GRIA1: variants seen among roughly 807,000 people sequenced by gnomAD.
GRIA1 encodes the protein glutamate ionotropic receptor AMPA type subunit 1, also known as glutamate receptor 1.
Under a neutral mutation model 99.2 loss-of-function variants are expected in GRIA1, and 31 were observed. That is an observed-to-expected ratio of 0.31 (90% CI 0.23 to 0.42). The LOEUF (loss-of-function observed/expected upper bound fraction) is 0.42. GRIA1 is among the 10% of genes least tolerant of loss of function. The probability of loss-of-function intolerance (pLI) is 1.00; values close to 1 mark genes in which losing one functional copy is unlikely to be tolerated. For missense variants in GRIA1, 782 were observed against 1,157.5 expected, an observed-to-expected ratio of 0.68 and a Z score of 4.71; for synonymous variants, 438 against 432.4, an observed-to-expected ratio of 1.01 and a Z score of -0.16.
intron 11 of GRIA1, among the ~76,000 whole-genome samples, chr5:153,736,613 C>T (rs1349996832): frequency 6.6e-6 from 1 of 152,180 alleles, no homozygotes; most frequent in Non-Finnish European, 1.5e-5. Context: ...AATGACATCT[C>T]CCTGGATTCA....
chr5:153,771,491 G>A (rs1581629853), intron 13 of GRIA1, among the ~76,000 whole-genome samples: 1 of 152,134 alleles, frequency 6.6e-6, no homozygotes, highest in Non-Finnish European at 1.5e-5. Context: ...CTACAATTTT[G>A]AACAAGATAG....
chr5:153,701,331 C>T (rs764450681), intron 10 of GRIA1, among the ~76,000 whole-genome samples: 1 of 152,018 alleles, frequency 6.6e-6, no homozygotes, highest in Non-Finnish European at 1.5e-5. Flanking sequence ...AAAAACTGTT[C>T]TGACCAGGTG....
At chr5:153,804,746 T>C (rs1434642173) in intron 15 of GRIA1, among the ~76,000 whole-genome samples, 1 of 124,642 alleles carries the variant, frequency 8.0e-6, no homozygotes, top group Non-Finnish European at 1.8e-5. Flanking sequence ...TATTTATTTA[T>C]TTATTTATTT....
At chr5:153,746,231 T>C (rs1372035340) in intron 11 of GRIA1, among the ~76,000 whole-genome samples, 1 of 152,134 alleles carries the variant, frequency 6.6e-6, no homozygotes, top group East Asian at 1.9e-4. Flanking sequence ...AGAGAGACTG[T>C]TTCCTGCCTC....
intron 2 of GRIA1, among the ~76,000 whole-genome samples, chr5:153,500,701 C>G (rs1754932679): frequency 6.7e-6 from 1 of 148,670 alleles, no homozygotes; most frequent in South Asian, 2.1e-4. Flanking sequence ...ATTTAGGTTT[C>G]ATAAAACAAG....
At chr5:153,596,765 T>C (rs778825) in intron 2 of GRIA1, among the ~76,000 whole-genome samples, 75,751 of 152,144 alleles carry the variant, frequency 0.5, 22,708 homozygotes, top group East Asian at 0.8. Flanking sequence ...GCCTTAGAGA[T>C]TAAAATGGGT....
chr5:153,680,151 C>T (rs1174917570), intron 7 of GRIA1, among the ~76,000 whole-genome samples: 4 of 152,094 alleles, frequency 2.6e-5, no homozygotes, highest in Non-Finnish European at 5.9e-5. Flanking sequence ...CTCAAGGGCA[C>T]GGCCAAACAG....
chr5:153,504,850 C>T (rs1026008620), intron 2 of GRIA1, among the ~76,000 whole-genome samples: 1 of 152,070 alleles, frequency 6.6e-6, no homozygotes, highest in African/African-American at 2.4e-5. Flanking sequence ...ATACTCTGTC[C>T]CAGTGACCAG....
chr5:153,597,685 T>C (rs1764545581), intron 2 of GRIA1, among the ~76,000 whole-genome samples: 1 of 152,158 alleles, frequency 6.6e-6, no homozygotes, highest in African/African-American at 2.4e-5. Context: ...AATACCAAGA[T>C]GGCTAAAAAA....
intron 13 of GRIA1, among the ~76,000 whole-genome samples, chr5:153,778,887 G>A (rs1764454346): frequency 6.6e-6 from 1 of 152,098 alleles, no homozygotes; most frequent in African/African-American, 2.4e-5. Flanking sequence ...CCATATCACA[G>A]GTGGATGTCT....
At chr5:153,749,096 C>A (rs918834623) in intron 11 of GRIA1, among the ~76,000 whole-genome samples, 13 of 152,114 alleles carry the variant, frequency 8.5e-5, no homozygotes, top group African/African-American at 2.9e-4. Flanking sequence ...AGACAACCAG[C>A]AAAGATAAGC....
intron 2 of GRIA1, among the ~76,000 whole-genome samples, chr5:153,635,824 C>T (rs1032395036): frequency 6.6e-6 from 1 of 152,200 alleles, no homozygotes. Context: ...GACCCCTGCC[C>T]TCTCAAGACT....
chr5:153,552,772 G>T (rs892929442), intron 2 of GRIA1, among the ~76,000 whole-genome samples: 4 of 152,158 alleles, frequency 2.6e-5, no homozygotes, highest in Non-Finnish European at 5.9e-5. Flanking sequence ...ACAAGCCAAT[G>T]CTTCTGGTCC....
chr5:153,725,085 C>A (rs1760410410), intron 11 of GRIA1, among the ~76,000 whole-genome samples: 2 of 152,216 alleles, frequency 1.3e-5, no homozygotes, highest in South Asian at 2.1e-4. Flanking sequence ...CGACTGGGGG[C>A]CAATATTCAA....
intron 2 of GRIA1, among the ~76,000 whole-genome samples, chr5:153,585,151 A>C (rs1000148946): frequency 6.6e-6 from 1 of 152,104 alleles, no homozygotes; most frequent in African/African-American, 2.4e-5. Flanking sequence ...CTCCTGCTGA[A>C]AGTGCTATTC....
chr5:153,710,849 A>G (rs1759265177), intron 11 of GRIA1, among the ~76,000 whole-genome samples: 1 of 152,228 alleles, frequency 6.6e-6, no homozygotes, highest in South Asian at 2.1e-4. Context: ...GGGATGTGCT[A>G]TGAATAAAAT....
chr5:153,612,075 G>A (rs1405818025), intron 2 of GRIA1, among the ~76,000 whole-genome samples: 2 of 152,206 alleles, frequency 1.3e-5, no homozygotes, highest in East Asian at 1.9e-4. Flanking sequence ...ATGTGAGATG[G>A]GGAAATGTGA....
intron 2 of GRIA1, among the ~76,000 whole-genome samples, chr5:153,620,429 C>T (rs184902626): frequency 2.3e-4 from 35 of 152,260 alleles, no homozygotes; most frequent in African/African-American, 8.2e-4. Flanking sequence ...GTAGACTTAT[C>T]TGATCCAGAG....
intron 2 of GRIA1, among the ~76,000 whole-genome samples, chr5:153,543,515 T>A (rs1312037965): frequency 6.6e-6 from 1 of 152,160 alleles, no homozygotes; most frequent in Non-Finnish European, 1.5e-5. Context: ...AGTCAGAATT[T>A]GATACAGGCC....
Sources: gnomAD v4.1 joint callset for allele counts (sites outside exome capture counted in the v4.1 genomes callset) on GRCh38, gnomAD v4.1.1 for gene constraint, MANE v1.5 for transcripts, NCBI Gene and HGNC (gene_info 2026-07-23, HGNC 2026-07-21) for gene names.